Variants in PAK5 observed in about 807,000 individuals in gnomAD.
The protein encoded by PAK5 is serine/threonine-protein kinase PAK 5.
PAK5 carries 16 observed loss-of-function variants against 65.9 expected under a neutral mutation model. The ratio of observed to expected loss-of-function variants is 0.24; its 90% confidence interval spans 0.16 to 0.37. PAK5 has a LOEUF of 0.37. Ranked by LOEUF, PAK5 falls within the 10% of genes least tolerant of loss-of-function variation. The pLI is 1.00. For missense variants in PAK5, 785 were observed against 903.9 expected (o/e 0.87, Z 1.69); for synonymous variants, 371 against 354.9 (o/e 1.05, Z -0.51).
intron 1 of PAK5, among the ~76,000 whole-genome samples, chr20:9,777,648 T>C (rs939504947): frequency 6.6e-6 from 1 of 152,116 alleles, no homozygotes; most frequent in Admixed American, 6.5e-5. Flanking sequence ...AAGGACCAAT[T>C]AGAGTAAAAG....
Position 9,766,401 on chromosome 20 carries a change from CAAGCAGAATA to C in PAK5, c.-161-54976_-161-54967del, listed in dbSNP as rs1569079133. 4.0e-3 allele frequency among the ~76,000 whole-genome samples: 170 copies of C among 42,400 alleles called. 14 individuals are homozygous for C. The highest frequency in any genetic ancestry group is 0.011 in the African/African-American group (86 of 7,768). The allele number at this position is 42,400 out of a possible 152,430, so 27.8% of individuals were successfully genotyped here. On this transcript the variant is annotated intron_variant, in intron 1 of 9. Coordinates refer to ENST00000353224, the MANE Select transcript of PAK5 (RefSeq NM_177990.4). ...CAGAATATATATGTATATATATATT[CAAGCAGAATA>C]TATATGTATATATATATTCAAGCAG... is the stretch of plus-strand genomic sequence containing the variant.
intron 1 of PAK5, among the ~76,000 whole-genome samples, chr20:9,726,028 A>G (rs986648833): frequency 5.9e-5 from 9 of 152,134 alleles, no homozygotes; most frequent in African/African-American, 1.9e-4. Context: ...TAATTTTTAT[A>G]TTTAAAGGTA....
intron 2 of PAK5, among the ~76,000 whole-genome samples, chr20:9,674,246 C>A (rs1162575150): frequency 6.6e-6 from 1 of 151,828 alleles, no homozygotes; most frequent in Non-Finnish European, 1.5e-5. Context: ...ACAGTTCTAA[C>A]AATGACTCCT....
chr20:9,788,849 G>T (rs1245750457), intron 1 of PAK5, among the ~76,000 whole-genome samples: 2 of 152,098 alleles, frequency 1.3e-5, no homozygotes, highest in Non-Finnish European at 2.9e-5. Context: ...ACCCAGGGGG[G>T]TAAAACTTAC....
Position 9,543,779 on chromosome 20 carries a change from T to C in PAK5, c.1869+590A>G, listed in dbSNP as rs72623517. On this transcript the variant is annotated intron_variant, in intron 8 of 9. Coordinates refer to ENST00000353224, the MANE Select transcript of PAK5 (RefSeq NM_177990.4). ...GGCCCTTCCTCTACTCCTCTGGCCC[T>C]GCATTTTCACATTTCCAGGCCCTAC... is the stretch of plus-strand genomic sequence containing the variant. Among the ~76,000 whole-genome samples, 2,547 of 152,262 alleles carry C rather than the reference T, an allele frequency of 0.017. 151 individuals are homozygous for C. In the East Asian group the frequency reaches 0.18, roughly 11 times the overall value.
intron 3 of PAK5, among the ~76,000 whole-genome samples, chr20:9,586,143 G>T (rs115514208): frequency 4.5e-4 from 69 of 152,190 alleles, no homozygotes; most frequent in African/African-American, 1.7e-3. Flanking sequence ...TTATTTGTTT[G>T]GAATTTATGT....
intron 1 of PAK5, among the ~76,000 whole-genome samples, chr20:9,750,003 G>T (rs1243281811): frequency 6.6e-6 from 1 of 152,088 alleles, no homozygotes; most frequent in Non-Finnish European, 1.5e-5. Flanking sequence ...ACATTATTCA[G>T]TTCTGACTTC....
In PAK5 at chr20:9,592,051, T is replaced by C. The variant is rs555710404; in HGVS notation, c.205-11121A>G. On this transcript the variant is annotated intron_variant, in intron 3 of 9. Transcript: ENST00000353224. ...GATGCCAAGAAAAGAGTATGCCTTA[T>C]GCAAAAAATAGAAGAGAAAAGTTGC... 2.0e-5 allele frequency among the ~76,000 whole-genome samples: 3 copies of C among 152,294 alleles called. No individual in the cohort carries two copies. In the East Asian group the frequency reaches 5.8e-4, roughly 29 times the overall value.
At chr20:9,549,006 A>G (rs1028660472) in intron 7 of PAK5, among the ~76,000 whole-genome samples, 1 of 152,166 alleles carries the variant, frequency 6.6e-6, no homozygotes, top group Non-Finnish European at 1.5e-5. Flanking sequence ...TCAACCCCAG[A>G]GGACTCAGAT....
chr20:9,566,885 A>T (rs954252954), intron 4 of PAK5, among the ~76,000 whole-genome samples: 3 of 152,158 alleles, frequency 2.0e-5, no homozygotes, highest in Non-Finnish European at 4.4e-5. Flanking sequence ...AATAAGTACA[A>T]ATATAATTGA....
intron 2 of PAK5, among the ~76,000 whole-genome samples, chr20:9,666,847 A>G (rs2047426892): frequency 6.6e-6 from 1 of 152,238 alleles, no homozygotes; most frequent in Non-Finnish European, 1.5e-5. Flanking sequence ...AGATGAAAAG[A>G]TGACAACCTT....
At chr20:9,731,526 CTG>C (rs1423375334) in intron 1 of PAK5, among the ~76,000 whole-genome samples, 1 of 152,266 alleles carries the variant, frequency 6.6e-6, no homozygotes, top group Middle Eastern at 3.4e-3. Flanking sequence ...TAGAGGAACT[CTG>C]TGATTTACTG....
intron 1 of PAK5, among the ~76,000 whole-genome samples, chr20:9,826,764 C>T (rs2049489499): frequency 6.6e-6 from 1 of 152,170 alleles, no homozygotes; most frequent in African/African-American, 2.4e-5. Flanking sequence ...AAGACTTGGG[C>T]AGAACCATAT....
chr20:9,641,164 G>A (rs1297814960), intron 3 of PAK5, among the ~76,000 whole-genome samples: 1 of 151,946 alleles, frequency 6.6e-6, no homozygotes, highest in African/African-American at 2.4e-5. Flanking sequence ...CGACACACAG[G>A]TTCTCCAAGG....
intron 3 of PAK5, among the ~76,000 whole-genome samples, chr20:9,591,426 G>C (rs1158511007): frequency 1.3e-5 from 2 of 152,118 alleles, no homozygotes; most frequent in African/African-American, 4.8e-5. Flanking sequence ...AGCATATTCT[G>C]TGGGGGGCAG....
chr20:9,541,386 T>C (rs571585020), intron 9 of PAK5, among the ~76,000 whole-genome samples: 16 of 152,272 alleles, frequency 1.1e-4, no homozygotes, highest in African/African-American at 3.4e-4. Context: ...CTCGTCCTAA[T>C]TGGCAATCCT....
At chr20:9,776,670 G>A (rs192643232) in intron 1 of PAK5, among the ~76,000 whole-genome samples, 59 of 152,228 alleles carry the variant, frequency 3.9e-4, no homozygotes, top group Admixed American at 6.5e-4. Flanking sequence ...CTATGGAGAG[G>A]CCCATGAAGT....
chr20:9,762,045 A>G (rs1327158659), intron 1 of PAK5, among the ~76,000 whole-genome samples: 1 of 152,198 alleles, frequency 6.6e-6, no homozygotes, highest in Admixed American at 6.6e-5. Context: ...CAGTGATGGG[A>G]AAACTGAATA....
intron 2 of PAK5, among the ~76,000 whole-genome samples, chr20:9,671,213 C>A (rs1417434354): frequency 2.6e-5 from 4 of 152,134 alleles, no homozygotes; most frequent in Non-Finnish European, 1.5e-5. Flanking sequence ...AGCATGACGC[C>A]TCCAGCTTTG....
Sources: gnomAD v4.1 joint callset for allele counts (sites outside exome capture counted in the v4.1 genomes callset) on GRCh38, gnomAD v4.1.1 for gene constraint, MANE v1.5 for transcripts, NCBI Gene and HGNC (gene_info 2026-07-23, HGNC 2026-07-21) for gene names.